The following ZNF385D variants were observed in gnomAD, a reference collection of about 807,000 sequenced individuals.
The protein encoded by ZNF385D is zinc finger protein 385D.
In ZNF385D, 15 loss-of-function variants were observed where a neutral mutation model predicts 35.8. That is an observed-to-expected ratio of 0.42 (90% CI 0.28 to 0.64). The LOEUF (loss-of-function observed/expected upper bound fraction) is 0.64. Ranked by LOEUF, ZNF385D falls within the 30% of genes least tolerant of loss-of-function variation. The probability of loss-of-function intolerance (pLI) is 0.23; values close to 1 mark genes in which losing one functional copy is unlikely to be tolerated. For missense variants in ZNF385D, 474 were observed against 494.6 expected (o/e 0.96, Z 0.39); for synonymous variants, 212 against 186.8 (o/e 1.13, Z -1.10).
chr3:21,875,666 C>G (rs1198846459), intron 3 of ZNF385D, among the ~76,000 whole-genome samples: 1 of 152,022 alleles, frequency 6.6e-6, no homozygotes, highest in East Asian at 1.9e-4. Flanking sequence ...GTATGCAATA[C>G]ACTCACTTCT....
chr3:21,583,609 G>A (rs4102411), intron 2 of ZNF385D, among the ~76,000 whole-genome samples: 113,629 of 151,964 alleles, frequency 0.75, 42,804 homozygotes, highest in African/African-American at 0.84. Flanking sequence ...ATCTCTAGGC[G>A]CTAAGAAAGA....
intron 2 of ZNF385D, among the ~76,000 whole-genome samples, chr3:22,215,072 C>A (rs577325218): frequency 6.6e-6 from 1 of 151,886 alleles, no homozygotes; most frequent in Non-Finnish European, 1.5e-5. Context: ...TTTCTCAGAC[C>A]GGCTGACACT....
At chr3:21,647,577 T>C (rs147699976) in intron 2 of ZNF385D, among the ~76,000 whole-genome samples, 5 of 152,348 alleles carry the variant, frequency 3.3e-5, no homozygotes, top group East Asian at 1.9e-4. Flanking sequence ...TTATGTAATA[T>C]TGATTGCACA....
intron 3 of ZNF385D, among the ~76,000 whole-genome samples, chr3:21,925,088 T>A (rs965227952): frequency 6.6e-6 from 1 of 152,178 alleles, no homozygotes; most frequent in East Asian, 1.9e-4. Flanking sequence ...AAAATTGATA[T>A]ACAGATTTAA....
intron 2 of ZNF385D, among the ~76,000 whole-genome samples, chr3:22,183,020 G>T (rs79231552): frequency 0.015 from 2,210 of 152,030 alleles, 25 homozygotes; most frequent in Non-Finnish European, 0.022. Flanking sequence ...TAAAAAACTG[G>T]GTTTCTTAGA....
intron 3 of ZNF385D, among the ~76,000 whole-genome samples, chr3:22,032,124 T>C (rs577536177): frequency 1.3e-5 from 2 of 152,350 alleles, no homozygotes; most frequent in East Asian, 1.9e-4. Flanking sequence ...CCTATTACTA[T>C]AAGCATTTTG....
At chr3:21,455,957 T>C (rs1326978559) in intron 4 of ZNF385D, among the ~76,000 whole-genome samples, 3 of 152,138 alleles carry the variant, frequency 2.0e-5, no homozygotes, top group Non-Finnish European at 4.4e-5. Flanking sequence ...AAAGAAGACA[T>C]TTATGCAGCC....
chr3:21,592,575 AC>A (rs1464994220), intron 2 of ZNF385D, among the ~76,000 whole-genome samples: 2 of 150,930 alleles, frequency 1.3e-5, no homozygotes, highest in African/African-American at 2.4e-5. Context: ...AAAAAAAAAA[AC>A]AATTATTGCA....
chr3:21,567,238 C>CTTAA (rs1381321992), intron 2 of ZNF385D, among the ~76,000 whole-genome samples: 2 of 152,178 alleles, frequency 1.3e-5, no homozygotes, highest in Non-Finnish European at 2.9e-5. Context: ...AACATTAAAA[C>CTTAA]TTAATTTAAA....
intron 2 of ZNF385D, among the ~76,000 whole-genome samples, chr3:22,322,282 A>G (rs1189459910): frequency 6.6e-6 from 1 of 152,136 alleles, no homozygotes; most frequent in East Asian, 1.9e-4. Flanking sequence ...TCACAGAGGG[A>G]CATGGATGAT....
At chr3:22,066,305 AGT>A (rs539082347) in intron 3 of ZNF385D, among the ~76,000 whole-genome samples, 2 of 116,044 alleles carry the variant, frequency 1.7e-5, no homozygotes, top group Admixed American at 8.0e-5. Flanking sequence ...GTAGCTAAGG[AGT>A]GTGTGTGTGT....
chr3:21,819,476 A>G (rs2073297843), intron 3 of ZNF385D, among the ~76,000 whole-genome samples: 1 of 151,302 alleles, frequency 6.6e-6, no homozygotes, highest in South Asian at 2.1e-4. Flanking sequence ...CTGTTAATTA[A>G]CACAATAAAA....
At chr3:22,238,164 A>C (rs1223356532) in intron 2 of ZNF385D, among the ~76,000 whole-genome samples, 2 of 151,194 alleles carry the variant, frequency 1.3e-5, no homozygotes, top group Non-Finnish European at 2.9e-5. Flanking sequence ...ACTAATCTAC[A>C]TATCTATCCT....
At chr3:21,456,132 T>G (rs1355311455) in intron 4 of ZNF385D, among the ~76,000 whole-genome samples, 1 of 152,194 alleles carries the variant, frequency 6.6e-6, no homozygotes, top group African/African-American at 2.4e-5. Context: ...TTTTACACTG[T>G]TGGTGGGACT....
chr3:22,219,356 T>C (rs1264930237), intron 2 of ZNF385D, among the ~76,000 whole-genome samples: 1 of 152,142 alleles, frequency 6.6e-6, no homozygotes, highest in Non-Finnish European at 1.5e-5. Flanking sequence ...GAGGATATCA[T>C]AGCTAAGTAG....
At chr3:21,995,547 T>G (rs1695410022) in intron 3 of ZNF385D, among the ~76,000 whole-genome samples, 1 of 151,934 alleles carries the variant, frequency 6.6e-6, no homozygotes, top group African/African-American at 2.4e-5. Context: ...GGTCGCTGGA[T>G]GATGTGCATG....
At chr3:22,038,219 T>C (rs1052918431) in intron 3 of ZNF385D, among the ~76,000 whole-genome samples, 9 of 152,164 alleles carry the variant, frequency 5.9e-5, no homozygotes, top group Admixed American at 3.3e-4. Flanking sequence ...GGAGTTTTCT[T>C]GATTGAAATT....
At chr3:21,965,201 TAA>T (rs1332956552) in intron 3 of ZNF385D, among the ~76,000 whole-genome samples, 1 of 152,206 alleles carries the variant, frequency 6.6e-6, no homozygotes, top group Non-Finnish European at 1.5e-5. Flanking sequence ...ACTCTGACCC[TAA>T]GTTTCTTTAT....
chr3:21,893,800 T>C (rs1482505861), intron 3 of ZNF385D, among the ~76,000 whole-genome samples: 1 of 152,170 alleles, frequency 6.6e-6, no homozygotes, highest in Non-Finnish European at 1.5e-5. Flanking sequence ...AAAGCCATGG[T>C]TGTAAATTCT....
Sources: allele counts gnomAD v4.1 joint callset (sites outside exome capture counted in the v4.1 genomes callset), GRCh38; gene constraint gnomAD v4.1.1; transcripts MANE v1.5; gene names NCBI Gene and HGNC (gene_info 2026-07-23, HGNC 2026-07-21).